The following ZNF487 variants were observed in gnomAD, a reference collection of about 807,000 sequenced individuals.
ZNF487 encodes the protein zinc finger protein 487.
In ZNF487, 4 loss-of-function variants were observed where a neutral mutation model predicts 3.0. That is an observed-to-expected ratio of 1.35 (90% CI 0.66 to 3.08). ZNF487 has a LOEUF of 3.08. Among genes scored for constraint, ZNF487 ranks in the 30% most tolerant of loss-of-function variants. The pLI, the probability that ZNF487 is intolerant of heterozygous loss-of-function variation, is 0.01. For synonymous variants in ZNF487, 55 were observed against 34.6 expected, an observed-to-expected ratio of 1.59 and a Z score of -2.06; for missense variants, 146 against 98.7, an observed-to-expected ratio of 1.48 and a Z score of -2.03.
At chr10:43,504,146 C>T in the ZNF487 span, among the ~76,000 whole-genome samples, 1 of 152,032 alleles carries the variant, frequency 6.6e-6, no homozygotes, top group Non-Finnish European at 1.5e-5. Flanking sequence ...CATTAAGTGA[C>T]ACATGATTGT....
chr10:43,470,778 C>T (rs896971344), intron 1 of ZNF487, among the ~76,000 whole-genome samples: 10 of 152,108 alleles, frequency 6.6e-5, no homozygotes, highest in African/African-American at 2.2e-4. Flanking sequence ...CTTGACCTCC[C>T]AAAGTGTTGG....
chr10:43,498,169 C>T, the ZNF487 span, among the ~76,000 whole-genome samples: 3 of 91,670 alleles, frequency 3.3e-5, no homozygotes, highest in African/African-American at 1.3e-4. Context: ...ACTCTGTTGC[C>T]CAGGCTGGAG....
chr10:43,471,171 G>T (rs1021209763), intron 1 of ZNF487, among the ~76,000 whole-genome samples: 2 of 152,166 alleles, frequency 1.3e-5, no homozygotes, highest in Non-Finnish European at 2.9e-5. Flanking sequence ...TGACAGGGCT[G>T]TCCCATTTAC....
At position 43,483,149 on chromosome 10, in the gene ZNF487, A is replaced by C; in HGVS notation, c.*1227A>C. The C allele has an allele frequency of 2.2e-6, 1 of 451,534 alleles. No homozygotes were observed. Among genetic ancestry groups the C allele is most frequent in the Middle Eastern group, 3.3e-4 (1 of 3,042 alleles). The allele number at this position is 451,534 out of a possible 1,614,324, so 28.0% of individuals were successfully genotyped here. Reference sequence around the variant, plus strand: ...CAGAAACAACCCAGGTTGGGGTGAGAACACCCAATAAAGATGAGAAATCTT... The same window carrying C: ...CAGAAACAACCCAGGTTGGGGTGAGCACACCCAATAAAGATGAGAAATCTT... On this transcript the variant is annotated 3_prime_UTR_variant, in exon 4 of 4. Transcript: ENST00000437590.
chr10:43,483,635 C>A (rs1286838995), downstream of ZNF487, among the ~76,000 whole-genome samples: 1 of 152,032 alleles, frequency 6.6e-6, no homozygotes, highest in African/African-American at 2.4e-5. Context: ...TCAAGTGATT[C>A]TTGTGCCTCA....
intron 1 of ZNF487, among the ~76,000 whole-genome samples, chr10:43,446,459 C>T (rs1486513230): frequency 4.9e-5 from 7 of 143,542 alleles, no homozygotes; most frequent in Admixed American, 2.1e-4. Context: ...CGGGCAGAGG[C>T]GCTCCTCACC....
At chr10:43,499,051 G>A in the ZNF487 span, among the ~76,000 whole-genome samples, 1 of 152,068 alleles carries the variant, frequency 6.6e-6, no homozygotes, top group Non-Finnish European at 1.5e-5. Flanking sequence ...ATAGCACATA[G>A]GTCAGTTAGC....
chr10:43,455,253 C>T (rs1589030250), intron 1 of ZNF487, among the ~76,000 whole-genome samples: 2 of 152,188 alleles, frequency 1.3e-5, no homozygotes, highest in East Asian at 1.9e-4. Flanking sequence ...CCTCCTGATC[C>T]GCCCGCCTCG....
At chr10:43,456,805 T>C (rs988568539) in intron 1 of ZNF487, among the ~76,000 whole-genome samples, 2 of 152,290 alleles carry the variant, frequency 1.3e-5, no homozygotes, top group Non-Finnish European at 2.9e-5. Flanking sequence ...GGTCTTGAAC[T>C]CCTGACCTCA....
In ZNF487 at chr10:43,481,791, G is replaced by A. The variant is rs1356083952; in HGVS notation, c.493G>A (p.Glu165Lys). ...DGNGKAVSQN[E>K]DLFRHQYIQT... ...AAATGGGAAAGCCGTCTCTCAGAAT[G>A]AGGACTTATTTAGGCATCAGTATAT... The change falls in exon 4 of 4, where the codon GAG becomes AAG. Residue 165 changes from glutamate to lysine, a missense_variant. Coordinates refer to ENST00000437590, the MANE Select transcript of ZNF487 (RefSeq NM_001355444.3). The A allele has an allele frequency of 4.2e-6, 3 of 709,602 alleles. No homozygotes were observed. Among genetic ancestry groups the A allele is most frequent in the South Asian group, 3.0e-5 (2 of 67,600 alleles). The allele number at this position is 709,602 out of a possible 1,614,324, so 44.0% of individuals were successfully genotyped here.
chr10:43,447,027 AC>A (rs1480350181), intron 1 of ZNF487, among the ~76,000 whole-genome samples: 1 of 151,788 alleles, frequency 6.6e-6, no homozygotes, highest in East Asian at 1.9e-4. Flanking sequence ...CCCCGTCTCC[AC>A]CAAAAAAAAA....
Position 43,442,421 on chromosome 10 carries a change from T to C in ZNF487, c.-94+5159T>C, listed in dbSNP as rs1465988717. 2.6e-5 allele frequency among the ~76,000 whole-genome samples: 4 copies of C among 152,164 alleles called. No individual in the cohort carries two copies. The East Asian group carries it at 5.8e-4, about 22-fold the overall frequency. Reference sequence around the variant, plus strand: ...TAGTACGTCTCTTCATTTGCTTAGATTTTCCTGAATTTATTTATTTATTTA... The same window carrying C: ...TAGTACGTCTCTTCATTTGCTTAGACTTTCCTGAATTTATTTATTTATTTA... On this transcript the variant is annotated intron_variant, in intron 1 of 3. Coordinates refer to ENST00000437590, the MANE Select transcript of ZNF487 (RefSeq NM_001355444.3).
intron 3 of ZNF487, among the ~76,000 whole-genome samples, chr10:43,479,380 A>T (rs1366447876): frequency 1.3e-5 from 2 of 152,130 alleles, no homozygotes; most frequent in African/African-American, 4.8e-5. Flanking sequence ...ATTTTTCTTA[A>T]GTTTGAAACA....
chr10:43,492,967 A>T, the ZNF487 span, among the ~76,000 whole-genome samples: 1 of 152,196 alleles, frequency 6.6e-6, no homozygotes, highest in African/African-American at 2.4e-5. Context: ...GTGGTGGCTC[A>T]TGCCTGTAAT....
At chr10:43,512,815 C>G in the ZNF487 span, among the ~76,000 whole-genome samples, 2 of 152,118 alleles carry the variant, frequency 1.3e-5, no homozygotes, top group South Asian at 2.1e-4. Context: ...AGTAACACAC[C>G]CAGATGAGGA....
intron 3 of ZNF487, among the ~76,000 whole-genome samples, chr10:43,476,882 G>A (rs547579419): frequency 3.3e-5 from 5 of 152,264 alleles, no homozygotes; most frequent in African/African-American, 1.2e-4. Context: ...AGCCAAAACA[G>A]AATTTGCTGC....
the ZNF487 span, among the ~76,000 whole-genome samples, chr10:43,515,185 T>G: frequency 6.6e-6 from 1 of 152,182 alleles, no homozygotes; most frequent in African/African-American, 2.4e-5. Flanking sequence ...GTTCTGCAGA[T>G]TTATTTATAT....
the ZNF487 span, among the ~76,000 whole-genome samples, chr10:43,509,475 A>ATATATG: frequency 6.7e-6 from 1 of 149,118 alleles, no homozygotes; most frequent in Admixed American, 6.8e-5. Flanking sequence ...ATATATATAT[A>ATATATG]TATATATCAT....
the ZNF487 span, among the ~76,000 whole-genome samples, chr10:43,507,312 A>T: frequency 6.6e-6 from 1 of 152,190 alleles, no homozygotes; most frequent in East Asian, 1.9e-4. Context: ...CCCCTGGGAC[A>T]GGTCTGCCCT....
Sources: gnomAD v4.1 joint callset for allele counts (sites outside exome capture counted in the v4.1 genomes callset) on GRCh38, gnomAD v4.1.1 for gene constraint, MANE v1.5 for transcripts, NCBI Gene and HGNC (gene_info 2026-07-23, HGNC 2026-07-21) for gene names.